SEMA4C: variants seen among roughly 807,000 people sequenced by gnomAD.
SEMA4C encodes the protein semaphorin-4C.
In SEMA4C, 19 loss-of-function variants were observed where a neutral mutation model predicts 89.0. The observed-to-expected ratio is 0.21, with a 90% CI of 0.15 to 0.31. SEMA4C has a LOEUF of 0.31. Ranked by LOEUF, SEMA4C falls within the 10% of genes least tolerant of loss-of-function variation. The pLI, the probability that SEMA4C is intolerant of heterozygous loss-of-function variation, is 1.00. For synonymous variants in SEMA4C, 428 were observed against 472.7 expected (o/e 0.91, Z 1.23); for missense variants, 811 against 1,107.0 (o/e 0.73, Z 3.79).
chr2:96,868,946 A>G (rs2080144881), intron 1 of SEMA4C: 3 of 985,374 alleles, frequency 3.0e-6, no homozygotes, highest in Non-Finnish European at 3.6e-6. Context: ...GAGACGCAGA[A>G]GCTGGGGACC....
Position 96,867,781 on chromosome 2 carries a change from C to T in SEMA4C, c.106G>A (p.Gly36Arg). 2 of 1,613,556 alleles carry T rather than the reference C, an allele frequency of 1.2e-6. No homozygotes were observed. The highest frequency in any genetic ancestry group is 8.5e-7 in the Non-Finnish European group (1 of 1,179,848). ...NLVPRKTVSSGELATVVRRFS... is the reference protein window; with the variant it reads ...NLVPRKTVSSRELATVVRRFS... ...CCTCACCCCTCCAGGCACTCACCCC[C>T]AGAAGACACTGTCTTACGCGGCACA... Residue 36 changes from glycine to arginine, a missense_variant, in exon 2 of 15, where the codon GGG (glycine) becomes AGG (arginine). This residue lies in a region of SEMA4C where 119 missense variants were observed against 152.7 expected (regional missense o/e 0.78). Coordinates refer to ENST00000305476, the MANE Select transcript of SEMA4C (RefSeq NM_017789.5).
Position 96,864,091 on chromosome 2 carries a change from T to G in SEMA4C, c.1165A>C (p.Asn389His), listed in dbSNP as rs1311875529. The change falls in exon 11 of 15, where the codon AAC (asparagine) becomes CAC (histidine). Residue 389 changes from asparagine (N) to histidine (H), a missense_variant. Around this residue, in one of 4 missense-constraint regions of SEMA4C, gnomAD observed 441 missense variants for 664.9 expected, o/e 0.66. Coordinates refer to ENST00000305476, the MANE Select transcript of SEMA4C (RefSeq NM_017789.5). The surrounding 1 kb of genome is among the most constrained non-coding windows in gnomAD (Gnocchi z 6.3). ...GYTSSLELPD[N>H]ILNFVKKHPL... is the part of the protein sequence containing the mutation. ...TGCTTCTTGACGAAGTTGAGGATGT[T>G]GTCGGGTAGCTCCAGGGAGCTGGTG... 1 of 1,612,642 alleles carries G rather than the reference T, an allele frequency of 6.2e-7. No homozygotes were observed. The highest frequency in any genetic ancestry group is 1.6e-4 in the Middle Eastern group (1 of 6,062).
chr2:96,869,295 T>A, intron 1 of SEMA4C: 1 of 985,198 alleles, frequency 1.0e-6, no homozygotes, highest in Non-Finnish European at 1.2e-6. Context: ...GGAGGAGGGG[T>A]TGGGGGGAGG....
intron 2 of SEMA4C, chr2:96,866,798 T>C (rs1359961815): frequency 2.1e-5 from 8 of 386,226 alleles, no homozygotes; most frequent in Non-Finnish European, 3.5e-5. Context: ...GCTTCCTTCT[T>C]TGCCCTGCTG....
chr2:96,863,841 T>G, intron 11 of SEMA4C, 47 bp from the exon 12 acceptor site: 1 of 1,603,852 alleles, frequency 6.2e-7, no homozygotes. Context: ...CACAAGGCCG[T>G]GGGGCAGCTC....
chr2:96,865,000 G>A lies in SEMA4C; in HGVS notation c.750C>T (p.Ala250=), dbSNP rs569037926. Residue 250 remains alanine (A), a synonymous_variant, in exon 8 of 15, where the codon GCC becomes GCT. Transcript: ENST00000305476. The surrounding 1 kb of genome is among the most constrained non-coding windows in gnomAD (Gnocchi z 6.3). The part of the protein sequence containing the change: ...RERAVESDCY[A]EQVVARVARV... ...GGGCCACACGAGCCACCACCTGCTC[G>A]GCATAGCAGTCGGACTCCACTGCCC... is the stretch of plus-strand genomic sequence containing the variant. The A allele has an allele frequency of 1.0e-5, 16 of 1,564,976 alleles. No homozygotes were observed. The highest frequency in any genetic ancestry group is 2.3e-5 in the South Asian group (2 of 85,844).
Position 96,859,992 on chromosome 2 carries a change from T to G in SEMA4C, c.*634A>C, listed in dbSNP as rs1409168728. ...CCAAGTGGGAGGCCCCACCCACCCTTCCCCCCAAACACACAGGAGGCTCCA... is the reference window on the plus strand; with the variant it reads ...CCAAGTGGGAGGCCCCACCCACCCTGCCCCCCAAACACACAGGAGGCTCCA... On this transcript the variant is annotated 3_prime_UTR_variant, in exon 15 of 15. Coordinates refer to ENST00000305476, the MANE Select transcript of SEMA4C (RefSeq NM_017789.5). 7.8e-5 allele frequency: 3 copies of G among 38,446 alleles called. No homozygotes were observed. The highest frequency in any genetic ancestry group is 2.5e-4 in the Admixed American group (1 of 4,012). The allele number at this position is 38,446 out of a possible 1,614,324, so 2.4% of individuals were successfully genotyped here. A position where few individuals can be genotyped will look rare whatever the true frequency, so the allele number is the denominator to read the frequency against.
intron 1 of SEMA4C, 76 bp from the exon 2 acceptor site, chr2:96,867,999 A>G: frequency 6.4e-7 from 1 of 1,555,736 alleles, no homozygotes; most frequent in South Asian, 1.1e-5. Context: ...AGGAGAGGCC[A>G]CAGGACTCCT....
rs2079917161 is a variant in SEMA4C at position 96,860,568 on chromosome 2, T to C, written c.*58A>G. 6.8e-7 allele frequency: 1 copy of C among 1,465,772 alleles called. No individual in the cohort carries two copies. Among genetic ancestry groups the C allele is most frequent in the Middle Eastern group, 1.8e-4 (1 of 5,452 alleles). The allele number at this position is 1,465,772 out of a possible 1,614,324, so 90.8% of individuals were successfully genotyped here. A position where few individuals can be genotyped will look rare whatever the true frequency, so the allele number is the denominator to read the frequency against. Reference sequence around the variant, plus strand: ...CCATGTCCCTGAGGTAGCTGGTGCCTGTGCAAAAGTAGGAGCTACACCTCC... The same window carrying C: ...CCATGTCCCTGAGGTAGCTGGTGCCCGTGCAAAAGTAGGAGCTACACCTCC... On this transcript the variant is annotated 3_prime_UTR_variant, in exon 15 of 15. Transcript: ENST00000305476.
chr2:96,860,202 T>C lies in SEMA4C; in HGVS notation c.*424A>G. ...AAGTGATACGACCCCTTCCCCTTCA[T>C]AGCTCCAATGACTCACCAGGAGGAC... On this transcript the variant is annotated 3_prime_UTR_variant, in exon 15 of 15. Transcript: ENST00000305476. 5.6e-6 allele frequency: 1 copy of C among 179,370 alleles called. No individual in the cohort carries two copies. The highest frequency in any genetic ancestry group is 6.0e-5 in the Admixed American group (1 of 16,720). 11.1% of individuals were successfully genotyped at this position (179,370 alleles called of 1,614,324 possible).
chr2:96,870,148 G>A, upstream of SEMA4C: 4 of 979,186 alleles, frequency 4.1e-6, no homozygotes, highest in South Asian at 1.9e-4. Context: ...GGAGGCCGGG[G>A]GCGGGCCGCG....
In SEMA4C at chr2:96,864,501, C is replaced by T. The variant is rs2080024320; in HGVS notation, c.963-119G>A. ...AAACTGGCCATGGGTACCAGAATGC[C>T]CTGGCAGCTCAAGTGCCACCTGGCA... On this transcript the variant is annotated intron_variant, in intron 9 of 14. Coordinates refer to ENST00000305476, the MANE Select transcript of SEMA4C (RefSeq NM_017789.5). This position sits in a 1 kb window ranked among gnomAD's most constrained non-coding sequence, Gnocchi z 6.3. The T allele has an allele frequency of 4.1e-6, 6 of 1,480,090 alleles. No individual in the cohort carries two copies. The highest frequency in any genetic ancestry group is 5.5e-6 in the Non-Finnish European group (6 of 1,092,068). The allele number at this position is 1,480,090 out of a possible 1,614,324, so 91.7% of individuals were successfully genotyped here.
intron 1 of SEMA4C, 55 bp from the exon 2 acceptor site, chr2:96,867,978 G>A (rs2080119641): frequency 4.4e-6 from 7 of 1,594,376 alleles, no homozygotes; most frequent in Admixed American, 3.5e-5. Context: ...CAAACCAGAG[G>A]GGCCCGCAGC....
At position 96,861,941 on chromosome 2, in the gene SEMA4C, C is replaced by A; in HGVS notation, c.1444-47G>T. ...GGAGGGGGGTCGGCCAGGGCCACAC[C>A]ACGGGAGGGGCGGCCGGACCAGAAC... On this transcript the variant is annotated intron_variant, in intron 12 of 14. Transcript: ENST00000305476. The surrounding 1 kb of genome is among the most constrained non-coding windows in gnomAD (Gnocchi z 7.8). 6.4e-7 allele frequency: 1 copy of A among 1,559,192 alleles called. No individual in the cohort carries two copies. The highest frequency in any genetic ancestry group is 8.7e-7 in the Non-Finnish European group (1 of 1,153,226).
Position 96,864,667 on chromosome 2 carries a change from A to AG in SEMA4C, c.962+37dup. 6.4e-7 allele frequency: 1 copy of AG among 1,573,616 alleles called. No homozygotes were observed. The highest frequency in any genetic ancestry group is 8.6e-7 in the Non-Finnish European group (1 of 1,156,808). On this transcript the variant is annotated intron_variant, in intron 9 of 14. Transcript: ENST00000305476. This position sits in a 1 kb window ranked among gnomAD's most constrained non-coding sequence, Gnocchi z 6.3. ...ATGCACCGTCCCTGACCTGAACCCC[A>AG]GCTCCTCCCCACTCTGTGGGAGCCC... is the stretch of plus-strand genomic sequence containing the variant.
chr2:96,870,022 C>A lies in SEMA4C; in HGVS notation c.-184G>T. 1 of 985,574 alleles carries A rather than the reference C, an allele frequency of 1.0e-6. No individual in the cohort carries two copies. The highest frequency in any genetic ancestry group is 4.5e-5 in the South Asian group (1 of 22,012). The allele number at this position is 985,574 out of a possible 1,614,324, so 61.1% of individuals were successfully genotyped here. ...CCACCGCCCCTCCGTCCCCGCCCGG[C>A]TCCGCGCCCCTAGGCTCGGGCTCCC... On this transcript the variant is annotated 5_prime_UTR_variant, in exon 1 of 15. Transcript: ENST00000305476.
At chr2:96,862,040 G>A (rs2079959029) in intron 12 of SEMA4C, 146 bp from the exon 13 acceptor site, 2 of 870,756 alleles carry the variant, frequency 2.3e-6, no homozygotes, top group Middle Eastern at 3.5e-4. Flanking sequence ...AGGGAACAAG[G>A]CAGAGCTATA....
Position 96,865,132 on chromosome 2 carries a change from A to T in SEMA4C, c.635-17T>A, listed in dbSNP as rs2080039817. 6.3e-7 allele frequency: 1 copy of T among 1,590,418 alleles called. No individual in the cohort carries two copies. The highest frequency in any genetic ancestry group is 8.6e-7 in the Non-Finnish European group (1 of 1,168,434). ...AGTGAGGTTCTGTGGGAAGGGGAGG[A>T]GGTCAGCAGGGAGGGGCTGGGCCCC... On this transcript the variant is annotated splice_polypyrimidine_tract_variant and intron_variant, in intron 7 of 14. Coordinates refer to ENST00000305476, the MANE Select transcript of SEMA4C (RefSeq NM_017789.5).
upstream of SEMA4C, chr2:96,870,312 C>A (rs1322172221): frequency 4.1e-6 from 4 of 985,390 alleles, no homozygotes; most frequent in Non-Finnish European, 4.8e-6. Flanking sequence ...GGCTGCGCCA[C>A]AGCGCCTGGA....
Sources: allele counts gnomAD v4.1 joint callset, GRCh38; gene constraint gnomAD v4.1.1; regional missense constraint gnomAD v4.1.1; non-coding constraint Gnocchi (gnomAD v3.1); transcripts MANE v1.5; gene names NCBI Gene and HGNC (gene_info 2026-07-23, HGNC 2026-07-21).